The following MAML3 variants were observed in gnomAD, a reference collection of about 807,000 sequenced individuals.
MAML3 encodes the protein mastermind like transcriptional coactivator 3.
Under a neutral mutation model 101.9 loss-of-function variants are expected in MAML3, and 27 were observed. That is an observed-to-expected ratio of 0.27 (90% CI 0.20 to 0.37). The LOEUF (loss-of-function observed/expected upper bound fraction) is 0.37, where lower values mean the gene tolerates loss of function less well. Ranked by LOEUF, MAML3 falls within the 10% of genes least tolerant of loss-of-function variation. The probability of loss-of-function intolerance (pLI) is 1.00; values close to 1 mark genes in which losing one functional copy is unlikely to be tolerated. For missense variants in MAML3, 1,316 were observed against 1,444.9 expected (o/e 0.91, Z 1.45); for synonymous variants, 501 against 555.9 (o/e 0.90, Z 1.39).
intron 2 of MAML3, among the ~76,000 whole-genome samples, chr4:139,886,680 G>C (rs980909947): frequency 2.6e-5 from 4 of 151,524 alleles, no homozygotes; most frequent in African/African-American, 4.8e-5. Context: ...CTTATTTTTG[G>C]ATCAAAGTTT....
chr4:139,890,530 A>G lies in MAML3; in HGVS notation c.906T>C (p.Ile302=), dbSNP rs1478102978. 6.2e-7 allele frequency: 1 copy of G among 1,613,958 alleles called. No homozygotes were observed. Among genetic ancestry groups the G allele is most frequent in the Non-Finnish European group, 8.5e-7 (1 of 1,179,884 alleles). ...CTTGCCACTCCTGATCATTCAGATT[A>G]ATGTCTGAGAACAGCTTGTTCTGAT... ...LSNQNKLFSD[I]NLNDQEWQEL... is the part of the protein sequence containing the mutation. The change falls in exon 2 of 5, where the codon ATT becomes ATC. Residue 302 remains isoleucine, a synonymous_variant. Transcript: ENST00000509479. This position sits in a 1 kb window ranked among gnomAD's most constrained non-coding sequence, Gnocchi z 4.1.
At chr4:140,024,064 C>T (rs1380559215) in intron 1 of MAML3, among the ~76,000 whole-genome samples, 2 of 152,084 alleles carry the variant, frequency 1.3e-5, no homozygotes, top group Non-Finnish European at 2.9e-5. Flanking sequence ...AAACATTATT[C>T]TAAGTAATGT....
chr4:139,725,359 G>T (rs1036430337), intron 4 of MAML3, among the ~76,000 whole-genome samples: 1 of 152,176 alleles, frequency 6.6e-6, no homozygotes, highest in Middle Eastern at 3.2e-3. Flanking sequence ...TTTTGCCCCT[G>T]TAGTCACTAA....
chr4:140,001,898 A>T (rs1221687157), intron 1 of MAML3, among the ~76,000 whole-genome samples: 3 of 152,260 alleles, frequency 2.0e-5, no homozygotes, highest in African/African-American at 7.2e-5. Context: ...AAAGATGAAA[A>T]TAATTCAAAT....
At chr4:139,967,549 G>A (rs1371104981) in intron 1 of MAML3, among the ~76,000 whole-genome samples, 1 of 150,790 alleles carries the variant, frequency 6.6e-6, no homozygotes, top group Admixed American at 6.6e-5. Flanking sequence ...TCCCAAATGA[G>A]ATCTGCCATC....
intron 1 of MAML3, among the ~76,000 whole-genome samples, chr4:139,934,639 T>C (rs1297868721): frequency 6.6e-6 from 1 of 152,094 alleles, no homozygotes; most frequent in Non-Finnish European, 1.5e-5. Context: ...CATGTGGCTG[T>C]CTCCACCCCT....
At chr4:139,932,259 T>TG (rs1733415742) in intron 1 of MAML3, among the ~76,000 whole-genome samples, 1 of 151,856 alleles carries the variant, frequency 6.6e-6, no homozygotes, top group Admixed American at 6.6e-5. Context: ...ATTTTTTTTT[T>TG]GATATCTTGG....
chr4:140,145,111 G>A (rs553373211), intron 1 of MAML3, among the ~76,000 whole-genome samples: 10 of 152,362 alleles, frequency 6.6e-5, no homozygotes, highest in African/African-American at 2.4e-4. Context: ...TTCCTTTGAA[G>A]AGATAGAAGC....
rs1411532467 is a variant in MAML3, at chr4:139,753,335, C to CT, written c.2080-22669dup. ...CTGCCTTTCTTTGCTTTTTTCTTTT[C>CT]TTTTTAATCTATCTATCTATCTATC... is the stretch of plus-strand genomic sequence containing the variant. On this transcript the variant is annotated intron_variant, in intron 2 of 4. Coordinates refer to ENST00000509479, the MANE Select transcript of MAML3 (RefSeq NM_018717.5). Among the ~76,000 whole-genome samples the CT allele has an allele frequency of 7.5e-5, 10 of 134,172 alleles. No individual in the cohort carries two copies. In the East Asian group the frequency reaches 1.6e-3, roughly 22 times the overall value. The allele number at this position is 134,172 out of a possible 152,430, so 88.0% of individuals were successfully genotyped here. A position where few individuals can be genotyped will look rare whatever the true frequency, so the allele number is the denominator to read the frequency against.
At chr4:140,052,833 C>CA (rs935030916) in intron 1 of MAML3, among the ~76,000 whole-genome samples, 43 of 151,874 alleles carry the variant, frequency 2.8e-4, no homozygotes, top group Admixed American at 2.3e-3. Context: ...CCGTGCCTGG[C>CA]AAAAAAACCC....
At chr4:140,142,891 C>T (rs1409980141) in intron 1 of MAML3, among the ~76,000 whole-genome samples, 1 of 152,168 alleles carries the variant, frequency 6.6e-6, no homozygotes, top group Non-Finnish European at 1.5e-5. Flanking sequence ...CAAGGGTCAC[C>T]TCGTCCCAAA....
chr4:139,763,377 T>C (rs1196046035), intron 2 of MAML3, among the ~76,000 whole-genome samples: 1 of 152,122 alleles, frequency 6.6e-6, no homozygotes, highest in Admixed American at 6.6e-5. Context: ...AGGCAGCTGC[T>C]CGGAGTCGGC....
At chr4:140,006,090 G>A (rs767502134) in intron 1 of MAML3, among the ~76,000 whole-genome samples, 1 of 152,144 alleles carries the variant, frequency 6.6e-6, no homozygotes, top group Non-Finnish European at 1.5e-5. Context: ...TTGAGATATC[G>A]TGTGCCATGC....
rs529992691 is a variant in MAML3 at position 140,152,879 on chromosome 4, C to T, written c.449G>A (p.Arg150Lys). The T allele has an allele frequency of 1.9e-6, 3 of 1,611,932 alleles. No homozygotes were observed. Among genetic ancestry groups the T allele is most frequent in the African/African-American group, 2.7e-5 (2 of 74,976 alleles). ...CCTCACCATGATCAGCGTGTGGTTC[C>T]TCTGCTCCGCCGAGGCAGCCTCCGC... is the stretch of plus-strand genomic sequence containing the variant. The part of the protein sequence containing the change: ...QDAEAASAEQ[R>K]NHTLIMLQET... The change falls in exon 1 of 5, where the codon AGG (arginine) becomes AAG (lysine). Residue 150 changes from arginine to lysine, a missense_variant. Transcript: ENST00000509479.
chr4:140,115,626 AT>A (rs1398406634), intron 1 of MAML3, among the ~76,000 whole-genome samples: 1 of 152,166 alleles, frequency 6.6e-6, no homozygotes, highest in African/African-American at 2.4e-5. Context: ...ACATAAGTTC[AT>A]TTTTTGGTGA....
At chr4:139,811,284 C>T (rs368285399) in intron 2 of MAML3, among the ~76,000 whole-genome samples, 8 of 152,324 alleles carry the variant, frequency 5.3e-5, no homozygotes, top group Admixed American at 2.0e-4. Context: ...TACTAAGGGC[C>T]TCCATCATCC....
chr4:139,995,707 G>T (rs1238376073), intron 1 of MAML3, among the ~76,000 whole-genome samples: 3 of 152,022 alleles, frequency 2.0e-5, no homozygotes, highest in Non-Finnish European at 2.9e-5. Context: ...TGGCTAAATT[G>T]TGTCTTTTGC....
At chr4:140,026,705 C>G (rs1286058990) in intron 1 of MAML3, among the ~76,000 whole-genome samples, 1 of 152,198 alleles carries the variant, frequency 6.6e-6, no homozygotes, top group Non-Finnish European at 1.5e-5. Context: ...TAAAAATGCA[C>G]TAGCTTTTTG....
At chr4:140,096,441 G>C (rs1357730032) in intron 1 of MAML3, among the ~76,000 whole-genome samples, 1 of 152,084 alleles carries the variant, frequency 6.6e-6, no homozygotes, top group Non-Finnish European at 1.5e-5. Flanking sequence ...ATACGTATCC[G>C]AAAGTTCACA....
Sources: allele counts gnomAD v4.1 joint callset (sites outside exome capture counted in the v4.1 genomes callset), GRCh38; gene constraint gnomAD v4.1.1; non-coding constraint Gnocchi (gnomAD v3.1); transcripts MANE v1.5; gene names NCBI Gene and HGNC (gene_info 2026-07-23, HGNC 2026-07-21).